The following GART variants were observed in gnomAD, a reference collection of about 807,000 sequenced individuals.
The protein encoded by GART is trifunctional purine biosynthetic protein adenosine-3.
GART carries 43 observed loss-of-function variants against 107.2 expected under a neutral mutation model. The ratio of observed to expected loss-of-function variants is 0.40; its 90% CI spans 0.31 to 0.52. The LOEUF is 0.52. GART is among the 20% of genes least tolerant of loss of function. The pLI is 0.52. For synonymous variants in GART, 434 were observed against 427.0 expected (o/e 1.02, Z -0.20); for missense variants, 1,107 against 1,206.5 (o/e 0.92, Z 1.22).
chr21:33,514,583 A>G (rs1428549233), intron 16 of GART, among the ~76,000 whole-genome samples: 1 of 152,194 alleles, frequency 6.6e-6, no homozygotes, highest in Non-Finnish European at 1.5e-5. Flanking sequence ...CAAATGCACA[A>G]ATCAGTCCTG....
intron 18 of GART, among the ~76,000 whole-genome samples, chr21:33,508,496 T>A (rs1378790096): frequency 6.6e-6 from 1 of 151,602 alleles, no homozygotes; most frequent in Non-Finnish European, 1.5e-5. Context: ...CTTCCCTGTT[T>A]TGTATCTATT....
intron 2 of GART, among the ~76,000 whole-genome samples, chr21:33,538,772 A>C (rs980447365): frequency 6.6e-6 from 1 of 152,102 alleles, no homozygotes; most frequent in African/African-American, 2.4e-5. Context: ...TCAACCCTGA[A>C]TAGTAGTCTA....
At chr21:33,511,538 T>G (rs1017931709) in intron 16 of GART, 80 bp from the exon 17 acceptor site, 1 of 1,390,028 alleles carries the variant, frequency 7.2e-7, no homozygotes, top group African/African-American at 1.4e-5. Context: ...TTCAAAGATG[T>G]GGAAATTATA....
Position 33,517,617 on chromosome 21 carries a change from A to T in GART, c.1703-9T>A, listed in dbSNP as rs1601190195. 1 of 1,614,014 alleles carries T rather than the reference A, an allele frequency of 6.2e-7. No individual in the cohort carries two copies. Among genetic ancestry groups the T allele is most frequent in the Non-Finnish European group, 8.5e-7 (1 of 1,179,886 alleles). ...TTCTGCTGTTTCACCTCCTGGTGGG[A>T]TAAGACAAGAACAAAGAAATCAGAG... On this transcript the variant is annotated splice_polypyrimidine_tract_variant and intron_variant, in intron 14 of 21. Transcript: ENST00000381815.
intron 4 of GART, among the ~76,000 whole-genome samples, chr21:33,533,446 A>T (rs1375886479): frequency 1.3e-5 from 2 of 150,544 alleles, no homozygotes; most frequent in Non-Finnish European, 3.0e-5. Flanking sequence ...CTCAAAAAAA[A>T]AAAAATAAAT....
At chr21:33,511,679 T>A (rs1219166638) in intron 16 of GART, among the ~76,000 whole-genome samples, 1 of 152,176 alleles carries the variant, frequency 6.6e-6, no homozygotes, top group Admixed American at 6.5e-5. Flanking sequence ...TACTCACAAA[T>A]GAGTGAGGTT....
At chr21:33,524,586 A>C in intron 11 of GART, 183 bp downstream of exon 11, 1 of 1,104,608 alleles carries the variant, frequency 9.1e-7, no homozygotes, top group Non-Finnish European at 1.1e-6. Context: ...GCTATCATGA[A>C]GTTTTTTCCA....
chr21:33,523,967 C>CAAAAAAAAAAAA (rs747171882), intron 11 of GART: 2 of 541,456 alleles, frequency 3.7e-6, no homozygotes, highest in Non-Finnish European at 4.2e-6. Flanking sequence ...AATTCTGTCT[C>CAAAAAAAAAAAA]AAAAAAAAAA....
chr21:33,511,123 G>A, intron 17 of GART, 129 bp downstream of exon 17: 2 of 887,126 alleles, frequency 2.3e-6, no homozygotes, highest in Non-Finnish European at 3.7e-6. Context: ...TGTTACATCT[G>A]TGTAAAGATA....
chr21:33,510,982 G>A (rs1191267369), intron 17 of GART, among the ~76,000 whole-genome samples: 2 of 152,172 alleles, frequency 1.3e-5, no homozygotes, highest in African/African-American at 4.8e-5. Flanking sequence ...TGACAGCAGA[G>A]CCATGAGGTC....
chr21:33,515,832 G>A (rs2084867661), intron 16 of GART, among the ~76,000 whole-genome samples: 1 of 152,018 alleles, frequency 6.6e-6, no homozygotes, highest in African/African-American at 2.4e-5. Context: ...ACAATCTAGT[G>A]GGTGGTATCT....
chr21:33,518,920 T>G (rs113278938), intron 14 of GART: 10 of 497,856 alleles, frequency 2.0e-5, no homozygotes, highest in African/African-American at 1.2e-4. Flanking sequence ...CCCAGAGAAA[T>G]GCTACCAGCA....
Position 33,511,312 on chromosome 21 carries a change from C to T in GART, c.2254G>A (p.Asp752Asn). 6.2e-7 allele frequency: 1 copy of T among 1,614,164 alleles called. No individual in the cohort carries two copies. The highest frequency in any genetic ancestry group is 8.5e-7 in the Non-Finnish European group (1 of 1,180,024). ...SKEQTEQILRDIQQHKEEAWV... is the reference protein window; with the variant it reads ...SKEQTEQILRNIQQHKEEAWV... ...GCTTCTTCCTTGTGCTGCTGGATAT[C>T]CCTCAGAATCTGCTCTGTCTGCTCC... Residue 752 changes from aspartate (D) to asparagine (N), a missense_variant, in exon 17 of 22, where the codon GAT (aspartate) becomes AAT (asparagine). Physicochemically the swap from Asp to Asn is conservative, Grantham distance 23. Transcript: ENST00000381815.
rs753837907 is a variant in GART, at chr21:33,524,791, T to C, written c.1276A>G (p.Ile426Val). 2.5e-6 allele frequency: 4 copies of C among 1,614,256 alleles called. No individual in the cohort carries two copies. In the South Asian group the frequency reaches 4.4e-5, roughly 18 times the overall value. The change falls in exon 11 of 22, where the codon ATA (isoleucine) becomes GTA (valine). Residue 426 changes from isoleucine to valine, a missense_variant. Transcript: ENST00000381815. ...TACCTGGGCTGCTGGAGGAAAGCTA[T>C]GGCACGAAAGCCGACGTCTTTCCTA... ...IYRKDVGFRAIAFLQQPRSLT... is the reference protein window; with the variant it reads ...IYRKDVGFRAVAFLQQPRSLT...
At chr21:33,521,807 A>G (rs2084978156) in intron 12 of GART, among the ~76,000 whole-genome samples, 1 of 151,710 alleles carries the variant, frequency 6.6e-6, no homozygotes, top group Non-Finnish European at 1.5e-5. Context: ...AAAAATACAA[A>G]AATTAGCCAG....
chr21:33,539,952 A>G (rs946809319), intron 1 of GART, among the ~76,000 whole-genome samples: 1 of 152,346 alleles, frequency 6.6e-6, no homozygotes, highest in East Asian at 1.9e-4. Flanking sequence ...AAAAAGATTT[A>G]ATAATCATCA....
chr21:33,534,771 A>G lies in GART; in HGVS notation c.242-18T>C, dbSNP rs201661930. 47 of 1,539,332 alleles carry G rather than the reference A, an allele frequency of 3.1e-5. No homozygotes were observed. The highest frequency in any genetic ancestry group is 3.9e-5 in the Non-Finnish European group (45 of 1,148,492). On this transcript the variant is annotated intron_variant, in intron 3 of 21. Transcript: ENST00000381815. ...AACAATCCCTATTGATGAAAACAGT[A>G]GCCTTAGGTGAACCAAGGTCTCCCC...
intron 16 of GART, among the ~76,000 whole-genome samples, chr21:33,516,151 G>C (rs1464431983): frequency 6.6e-6 from 1 of 150,692 alleles, no homozygotes; most frequent in Non-Finnish European, 1.5e-5. Context: ...GGGAGGCTGA[G>C]GCAGGATAAT....
rs1375922517 is a variant in GART at position 33,517,038 on chromosome 21, T to C, written c.2058A>G (p.Leu686=). The C allele has an allele frequency of 1.9e-6, 3 of 1,613,904 alleles. No individual in the cohort carries two copies. The highest frequency in any genetic ancestry group is 1.7e-6 in the Non-Finnish European group (2 of 1,179,894). Residue 686 remains leucine, a synonymous_variant, in exon 16 of 22, where the codon TTA becomes TTG. Transcript: ENST00000381815. ...KAFAHITGGG[L]LENIPRVLPE... is the part of the protein sequence containing the mutation. ...GGAGGACTCTGGGGATGTTCTCTAGTAATCCTCCACCAGTAATATGGGCAA... is the reference window on the plus strand; with the variant it reads ...GGAGGACTCTGGGGATGTTCTCTAGCAATCCTCCACCAGTAATATGGGCAA...
Sources: gnomAD v4.1 joint callset for allele counts (sites outside exome capture counted in the v4.1 genomes callset) on GRCh38, gnomAD v4.1.1 for gene constraint, MANE v1.5 for transcripts, NCBI Gene and HGNC (gene_info 2026-07-23, HGNC 2026-07-21) for gene names.